USP47: variants seen among roughly 807,000 people sequenced by gnomAD.
USP47 encodes ubiquitin specific peptidase 47.
A neutral mutation model predicts 165.1 loss-of-function variants in USP47; 35 were observed. The observed-to-expected ratio is 0.21, with a 90% confidence interval of 0.16 to 0.28. The LOEUF (loss-of-function observed/expected upper bound fraction) is 0.28. Ranked by LOEUF, USP47 falls within the 10% of genes least tolerant of loss-of-function variation. USP47 has a pLI of 1.00. For synonymous variants in USP47, 531 were observed against 544.5 expected (o/e 0.98, Z 0.35); for missense variants, 1,277 against 1,607.4 (o/e 0.79, Z 3.52).
chr11:11,852,563 A>T (rs1192439116), intron 1 of USP47, among the ~76,000 whole-genome samples: 1 of 151,626 alleles, frequency 6.6e-6, no homozygotes, highest in Non-Finnish European at 1.5e-5. Context: ...AGGAGTTTAG[A>T]GGTCTTTTGG....
chr11:11,869,241 T>G (rs1460235785), intron 1 of USP47, among the ~76,000 whole-genome samples: 1 of 152,172 alleles, frequency 6.6e-6, no homozygotes, highest in African/African-American at 2.4e-5. Flanking sequence ...GGTTTTATAG[T>G]TTTATGTTTT....
intron 1 of USP47, among the ~76,000 whole-genome samples, chr11:11,854,707 T>C (rs761524947): frequency 6.8e-6 from 1 of 147,712 alleles, no homozygotes; most frequent in African/African-American, 2.4e-5. Context: ...CAGCTACTTA[T>C]CTTAATGTCT....
At chr11:11,929,264 C>T (rs1854479635) in intron 11 of USP47, among the ~76,000 whole-genome samples, 170 bp from the exon 12 acceptor site, 1 of 152,004 alleles carries the variant, frequency 6.6e-6, no homozygotes, top group Non-Finnish European at 1.5e-5. Flanking sequence ...CTGGTATATA[C>T]AGTTGTTTGA....
chr11:11,944,796 T>G (rs1424200940), intron 20 of USP47, among the ~76,000 whole-genome samples: 2 of 152,174 alleles, frequency 1.3e-5, no homozygotes, highest in South Asian at 2.1e-4. Context: ...TCAAGGACAT[T>G]AGAAAAATTA....
At chr11:11,910,438 T>C (rs1443944065) in intron 8 of USP47, among the ~76,000 whole-genome samples, 1 of 152,102 alleles carries the variant, frequency 6.6e-6, no homozygotes, top group Non-Finnish European at 1.5e-5. Flanking sequence ...ATAACTGCTG[T>C]GCTCTAACCA....
intron 2 of USP47, among the ~76,000 whole-genome samples, chr11:11,881,407 C>G (rs568522619): frequency 6.6e-6 from 1 of 152,244 alleles, no homozygotes; most frequent in South Asian, 2.1e-4. Context: ...AGATACCAAA[C>G]TGATCAGAAT....
In USP47 at chr11:11,957,909, A is replaced by G. The variant is rs567950157; in HGVS notation, c.*1734A>G. The stretch of plus-strand genomic sequence containing the variant: ...ATTTTTATTTGAAGAAAGCTATAGC[A>G]TTTAGCGAAATTTGACTGAAGTAAT... On this transcript the variant is annotated 3_prime_UTR_variant, in exon 28 of 28. Coordinates refer to ENST00000527733, the MANE Select transcript of USP47 (RefSeq NM_001282659.2). 6.6e-6 allele frequency: 1 copy of G among 152,270 alleles called. No individual in the cohort carries two copies. The highest frequency in any genetic ancestry group is 2.1e-4 in the South Asian group (1 of 4,824). The allele number at this position is 152,270 out of a possible 1,614,324, so 9.4% of individuals were successfully genotyped here.
intron 21 of USP47, 124 bp downstream of exon 21, chr11:11,948,244 G>A: frequency 9.6e-6 from 11 of 1,141,254 alleles, no homozygotes; most frequent in Non-Finnish European, 1.2e-5. Context: ...AATGATTAAT[G>A]GTAATTTGGG....
At chr11:11,925,055 T>G (rs1854130694) in intron 11 of USP47, among the ~76,000 whole-genome samples, 1 of 151,714 alleles carries the variant, frequency 6.6e-6, no homozygotes. Flanking sequence ...GAGGATGTCT[T>G]TCCATTTATT....
rs1193798315 is a variant in USP47, at chr11:11,920,434, T to C, written c.1158T>C (p.Asn386=). 2.5e-6 allele frequency: 4 copies of C among 1,611,170 alleles called. No individual in the cohort carries two copies. Among genetic ancestry groups the C allele is most frequent in the South Asian group, 1.1e-5 (1 of 90,762 alleles). The part of the protein sequence containing the change: ...DYTTMHRIKL[N]DRMTFPEELD... ...CAACCATGCATAGGATTAAACTGAA[T>C]GATCGAATGACATTTCCCGAGGAAC... Residue 386 remains asparagine (N), a synonymous_variant, in exon 10 of 28, where the codon AAT becomes AAC. Transcript: ENST00000527733.
intron 3 of USP47, among the ~76,000 whole-genome samples, chr11:11,885,851 C>T (rs1851128240): frequency 6.6e-6 from 1 of 152,136 alleles, no homozygotes; most frequent in Non-Finnish European, 1.5e-5. Flanking sequence ...AGCAACAGTT[C>T]AGGACCCCCT....
At chr11:11,899,709 A>G (rs1258852377) in intron 5 of USP47, among the ~76,000 whole-genome samples, 1 of 152,148 alleles carries the variant, frequency 6.6e-6, no homozygotes, top group Non-Finnish European at 1.5e-5. Flanking sequence ...TCTTCAAAAA[A>G]CAAAAGAAAC....
chr11:11,862,041 A>G (rs1189534469), intron 1 of USP47, among the ~76,000 whole-genome samples: 1 of 148,220 alleles, frequency 6.7e-6, no homozygotes, highest in African/African-American at 2.5e-5. Flanking sequence ...TTTTTTTTTA[A>G]GGAAAACACA....
At chr11:11,949,423 AT>A (rs1003384761) in intron 22 of USP47, among the ~76,000 whole-genome samples, 46 of 152,170 alleles carry the variant, frequency 3.0e-4, no homozygotes, top group African/African-American at 1.0e-3. Flanking sequence ...TTTATCTGGC[AT>A]CTGTTATTTC....
chr11:11,913,936 T>C (rs1470005132), intron 8 of USP47, among the ~76,000 whole-genome samples: 1 of 152,112 alleles, frequency 6.6e-6, no homozygotes, highest in African/African-American at 2.4e-5. Context: ...CATACTGTAC[T>C]TATTAATTGG....
At chr11:11,848,755 G>A (rs966147183) in intron 1 of USP47, among the ~76,000 whole-genome samples, 9 of 151,756 alleles carry the variant, frequency 5.9e-5, no homozygotes, top group African/African-American at 1.7e-4. Context: ...GACTACAGAC[G>A]CGCGCCACCA....
chr11:11,952,676 G>A, intron 24 of USP47, 65 bp from the exon 25 acceptor site: 1 of 1,414,796 alleles, frequency 7.1e-7, no homozygotes, highest in Non-Finnish European at 9.3e-7. Context: ...AAGGCACTAA[G>A]GGAAAAGTCA....
chr11:11,893,492 A>G (rs1047737459), intron 4 of USP47, among the ~76,000 whole-genome samples: 2 of 152,282 alleles, frequency 1.3e-5, no homozygotes, highest in East Asian at 3.9e-4. Flanking sequence ...GCTGGAGTGC[A>G]GTTGTAAGAT....
At chr11:11,911,075 A>T (rs898809920) in intron 8 of USP47, among the ~76,000 whole-genome samples, 1 of 152,224 alleles carries the variant, frequency 6.6e-6, no homozygotes, top group Non-Finnish European at 1.5e-5. Flanking sequence ...AACTGCAATA[A>T]GCAAAATTAA....
Sources: allele counts gnomAD v4.1 joint callset (sites outside exome capture counted in the v4.1 genomes callset), GRCh38; gene constraint gnomAD v4.1.1; transcripts MANE v1.5; gene names NCBI Gene and HGNC (gene_info 2026-07-23, HGNC 2026-07-21).